Variants in PGD observed in about 807,000 individuals in gnomAD.
The protein encoded by PGD is 6-phosphogluconate dehydrogenase, decarboxylating.
PGD carries 21 observed loss-of-function variants against 60.4 expected under a neutral mutation model. The observed-to-expected ratio is 0.35, with a 90% CI of 0.25 to 0.50. The LOEUF (loss-of-function observed/expected upper bound fraction) is 0.50. Among genes scored for constraint, PGD ranks in the 20% least tolerant of loss-of-function variants. The pLI, the probability that PGD is intolerant of heterozygous loss-of-function variation, is 0.98. For synonymous variants in PGD, 230 were observed against 235.9 expected, an observed-to-expected ratio of 0.97 and a Z score of 0.23; for missense variants, 477 against 613.1, an observed-to-expected ratio of 0.78 and a Z score of 2.34.
At chr1:10,419,247 G>A (rs1292500080) in intron 11 of PGD, among the ~76,000 whole-genome samples, 170 bp from the exon 12 acceptor site, 4 of 149,482 alleles carry the variant, frequency 2.7e-5, no homozygotes, top group Non-Finnish European at 5.9e-5. Flanking sequence ...TTGAACTCCT[G>A]ACCTCGTGAT....
chr1:10,410,456 A>G (rs1378316110), intron 6 of PGD, among the ~76,000 whole-genome samples: 2 of 152,050 alleles, frequency 1.3e-5, no homozygotes, highest in Middle Eastern at 3.4e-3. Flanking sequence ...AAAAAAAAGA[A>G]ACACGGACAA....
At position 10,419,517 on chromosome 1, in the gene PGD, T is replaced by C; in HGVS notation, c.1310T>C (p.Met437Thr). ...TTCTATGACGGGTACAGACATGAGATGCTTCCAGCCAGCCTCATCCAGGTA... is the reference window on the plus strand; with the variant it reads ...TTCTATGACGGGTACAGACATGAGACGCTTCCAGCCAGCCTCATCCAGGTA... ...LSFYDGYRHEMLPASLIQAQR... is the reference protein window; with the variant it reads ...LSFYDGYRHETLPASLIQAQR... The change falls in exon 12 of 13, where the codon ATG (methionine) becomes ACG (threonine). Residue 437 changes from methionine (M) to threonine (T), a missense_variant. Around this residue, in one of 3 missense-constraint regions of PGD, gnomAD observed 431 missense variants for 556.6 expected, o/e 0.77. Coordinates refer to ENST00000270776, the MANE Select transcript of PGD (RefSeq NM_002631.4). 2 of 1,614,208 alleles carry C rather than the reference T, an allele frequency of 1.2e-6. No individual in the cohort carries two copies. The highest frequency in any genetic ancestry group is 1.7e-6 in the Non-Finnish European group (2 of 1,180,038).
intron 10 of PGD, 36 bp from the exon 11 acceptor site, chr1:10,418,790 A>AAT: frequency 1.7e-6 from 2 of 1,198,906 alleles, no homozygotes; most frequent in Non-Finnish European, 2.4e-6. Context: ...AAAAAAAAAA[A>AAT]GACTCATTGC....
chr1:10,408,955 C>G (rs1639452624), intron 6 of PGD, among the ~76,000 whole-genome samples: 2 of 152,112 alleles, frequency 1.3e-5, no homozygotes, highest in African/African-American at 2.4e-5. Flanking sequence ...TGTAGTTCAG[C>G]CATGCTGTGG....
intron 2 of PGD, chr1:10,399,956 T>C (rs1296200612): frequency 3.5e-6 from 2 of 570,258 alleles, no homozygotes; most frequent in African/African-American, 3.8e-5. Flanking sequence ...GTGTCTTAAG[T>C]AGAGAAGAAG....
Position 10,399,613 on chromosome 1 carries a change from G to T in PGD, c.9-16G>T. 1 of 1,612,174 alleles carries T rather than the reference G, an allele frequency of 6.2e-7. No homozygotes were observed. On this transcript the variant is annotated splice_polypyrimidine_tract_variant and intron_variant, in intron 1 of 12. Transcript: ENST00000270776. ...CGGTGCTGACTCTTTCCTTTGTTCT[G>T]TTTCTGCCTCTCTAGAGCTGACATC...
Position 10,419,989 on chromosome 1 carries a change from C to G in PGD, c.*240C>G. On this transcript the variant is annotated 3_prime_UTR_variant, in exon 13 of 13. Transcript: ENST00000270776. Reference sequence around the variant, plus strand: ...TCATGTGCGTGAGAGTGGGAACCATCTCCTTGCGGCAGTGGCTTCCGCGTG... The same window carrying G: ...TCATGTGCGTGAGAGTGGGAACCATGTCCTTGCGGCAGTGGCTTCCGCGTG... 1 of 510,478 alleles carries G rather than the reference C, an allele frequency of 2.0e-6. No individual in the cohort carries two copies. The highest frequency in any genetic ancestry group is 3.5e-6 in the Non-Finnish European group (1 of 282,726). The allele number at this position is 510,478 out of a possible 1,614,324, so 31.6% of individuals were successfully genotyped here. A position where few individuals can be genotyped will look rare whatever the true frequency, so the allele number is the denominator to read the frequency against.
chr1:10,401,295 A>G (rs1349688551), intron 3 of PGD, among the ~76,000 whole-genome samples: 1 of 152,260 alleles, frequency 6.6e-6, no homozygotes, highest in Non-Finnish European at 1.5e-5. Flanking sequence ...TTTAGCAGGT[A>G]TATCTTTTTT....
intron 6 of PGD, 29 bp downstream of exon 6, chr1:10,408,169 A>G (rs747066062): frequency 5.1e-5 from 65 of 1,280,008 alleles, no homozygotes; most frequent in Non-Finnish European, 6.9e-5. Context: ...TTTAAAGCCA[A>G]TTGGCAACAT....
intron 7 of PGD, 41 bp from the exon 8 acceptor site, chr1:10,413,021 T>G (rs776083182): frequency 2.6e-6 from 4 of 1,564,194 alleles, no homozygotes; most frequent in Non-Finnish European, 3.5e-6. Flanking sequence ...TGCTCAGCCC[T>G]CATTCCTCTA....
intron 1 of PGD, 123 bp downstream of exon 1, chr1:10,399,248 G>C: frequency 8.7e-7 from 1 of 1,152,676 alleles, no homozygotes; most frequent in Admixed American, 2.0e-5. Context: ...CTCACTTGGG[G>C]CTCTGTGACC....
chr1:10,403,379 CAA>C (rs1176533165), intron 4 of PGD, among the ~76,000 whole-genome samples: 1 of 151,900 alleles, frequency 6.6e-6, no homozygotes, highest in African/African-American at 2.4e-5. Flanking sequence ...ACCAAGAGGT[CAA>C]GAGATCAAGA....
chr1:10,404,257 C>T lies in PGD; in HGVS notation c.427C>T (p.Pro143Ser). Residue 143 changes from proline to serine, a missense_variant, in exon 5 of 13, where the codon CCA (proline) becomes TCA (serine). Transcript: ENST00000270776. Reference protein sequence around the residue: ...EGARYGPSLMPGGNKEAWPHI... With the variant: ...EGARYGPSLMSGGNKEAWPHI... ...GGCCCGGTATGGCCCATCGCTCATG[C>T]CAGGAGGGAACAAAGAAGCGTGGTG... 3 of 1,610,430 alleles carry T rather than the reference C, an allele frequency of 1.9e-6. No homozygotes were observed. Among genetic ancestry groups the T allele is most frequent in the Non-Finnish European group, 2.5e-6 (3 of 1,177,584 alleles).
intron 3 of PGD, among the ~76,000 whole-genome samples, chr1:10,402,734 A>G (rs1200964645): frequency 6.6e-6 from 1 of 151,848 alleles, no homozygotes; most frequent in East Asian, 2.0e-4. Context: ...CATGTTAGCC[A>G]GGATGGTCTT....
At chr1:10,412,718 G>C (rs1226959158) in intron 7 of PGD, 7 of 212,746 alleles carry the variant, frequency 3.3e-5, no homozygotes, top group Non-Finnish European at 6.7e-5. Flanking sequence ...AAACTAGTTA[G>C]CGATGACTGT....
At chr1:10,419,268 C>G (rs1639648758) in intron 11 of PGD, 149 bp from the exon 12 acceptor site, 1 of 1,033,290 alleles carries the variant, frequency 9.7e-7, no homozygotes, top group Non-Finnish European at 1.4e-6. Context: ...CCGCCCACCT[C>G]AGCCTTCCAA....
chr1:10,419,343 A>G (rs556078302), intron 11 of PGD, 74 bp from the exon 12 acceptor site: 17 of 1,553,812 alleles, frequency 1.1e-5, no homozygotes, highest in Admixed American at 9.1e-5. Context: ...ATTTACCCAC[A>G]TTGATATGAA....
intron 10 of PGD, among the ~76,000 whole-genome samples, chr1:10,417,951 A>G (rs1380372143): frequency 6.6e-6 from 1 of 152,178 alleles, no homozygotes; most frequent in East Asian, 1.9e-4. Context: ...GCCTTGGGTG[A>G]TCTGCCCGCC....
At chr1:10,417,141 G>C in intron 9 of PGD, 24 bp downstream of exon 9, 1 of 1,613,334 alleles carries the variant, frequency 6.2e-7, no homozygotes, top group Non-Finnish European at 8.5e-7. Flanking sequence ...CCTGGCAGTG[G>C]TCTTTGTTGG....
Sources: allele counts gnomAD v4.1 joint callset (sites outside exome capture counted in the v4.1 genomes callset), GRCh38; gene constraint gnomAD v4.1.1; regional missense constraint gnomAD v4.1.1; transcripts MANE v1.5; gene names NCBI Gene and HGNC (gene_info 2026-07-23, HGNC 2026-07-21).